The following SNAP29 variants were observed in gnomAD, a reference collection of about 807,000 sequenced individuals.
SNAP29 encodes the protein synaptosomal-associated protein 29.
In SNAP29, 13 loss-of-function variants were observed where a neutral mutation model predicts 27.9. That is an observed-to-expected ratio of 0.47 (90% CI 0.30 to 0.74). The LOEUF (loss-of-function observed/expected upper bound fraction) is 0.74, where lower values mean the gene tolerates loss of function less well. SNAP29 is among the 30% of genes least tolerant of loss of function. The pLI, the probability that SNAP29 is intolerant of heterozygous loss-of-function variation, is 0.06. For missense variants in SNAP29, 368 were observed against 336.5 expected, an observed-to-expected ratio of 1.09 and a Z score of -0.73; for synonymous variants, 119 against 127.1, an observed-to-expected ratio of 0.94 and a Z score of 0.43.
chr22:20,867,786 C>T (rs1928495953), intron 1 of SNAP29, among the ~76,000 whole-genome samples: 1 of 152,162 alleles, frequency 6.6e-6, no homozygotes, highest in South Asian at 2.1e-4. Flanking sequence ...GAGAATGTGT[C>T]TCTTGTGAAT....
Position 20,889,415 on chromosome 22 carries a change from C to G in SNAP29, c.*1579C>G, listed in dbSNP as rs1265831751. On this transcript the variant is annotated 3_prime_UTR_variant, in exon 5 of 5. Transcript: ENST00000215730. ...CTACCCACTTGTTAGATTCCAGCCA[C>G]CTCAGGGATTCTGATCCATGTCATT... The G allele has an allele frequency of 6.6e-6, 1 of 152,234 alleles. No individual in the cohort carries two copies. The highest frequency in any genetic ancestry group is 1.5e-5 in the Non-Finnish European group (1 of 68,038). The allele number at this position is 152,234 out of a possible 1,614,324, so 9.4% of individuals were successfully genotyped here.
At chr22:20,859,458 A>C in intron 1 of SNAP29, 111 bp downstream of exon 1, 2 of 835,976 alleles carry the variant, frequency 2.4e-6, no homozygotes, top group Non-Finnish European at 4.1e-6. Flanking sequence ...CCTAGCATAG[A>C]TTCTTGCACC....
chr22:20,861,913 G>T (rs1234714266), intron 1 of SNAP29, among the ~76,000 whole-genome samples: 1 of 152,202 alleles, frequency 6.6e-6, no homozygotes, highest in African/African-American at 2.4e-5. Context: ...GATTACAGGC[G>T]TGAGCGACCA....
At chr22:20,873,518 T>C (rs1928646500) in intron 2 of SNAP29, among the ~76,000 whole-genome samples, 1 of 152,066 alleles carries the variant, frequency 6.6e-6, no homozygotes, top group Non-Finnish European at 1.5e-5. Flanking sequence ...CTGGTGGTGA[T>C]GGCAGAAAGA....
chr22:20,870,536 G>A lies in SNAP29; in HGVS notation c.434+3G>A. On this transcript the variant is annotated splice_donor_region_variant and intron_variant, in intron 2 of 4. Coordinates refer to ENST00000215730, the MANE Select transcript of SNAP29 (RefSeq NM_004782.4). Reference sequence around the variant, plus strand: ...CTCACCTCCCAGCCCAACAACAGGTGAGTGCATCTTCTACCATCTGGGTAT... The same window carrying A: ...CTCACCTCCCAGCCCAACAACAGGTAAGTGCATCTTCTACCATCTGGGTAT... 6.2e-7 allele frequency: 1 copy of A among 1,613,386 alleles called. No individual in the cohort carries two copies. Among genetic ancestry groups the A allele is most frequent in the Non-Finnish European group, 8.5e-7 (1 of 1,179,560 alleles).
chr22:20,870,917 G>A (rs1928575885), intron 2 of SNAP29: 2 of 318,506 alleles, frequency 6.3e-6, no homozygotes, highest in Non-Finnish European at 1.2e-5. Context: ...TGGGTAGATT[G>A]CTTAAGCCCA....
chr22:20,874,030 C>T (rs113803708), intron 2 of SNAP29, among the ~76,000 whole-genome samples: 200 of 145,016 alleles, frequency 1.4e-3, no homozygotes, highest in African/African-American at 4.8e-3. Flanking sequence ...AATCCCAGCA[C>T]TTTGGGAGGC....
At position 20,859,091 on chromosome 22, in the gene SNAP29, CCG is replaced by C; in HGVS notation, c.-19_-18del. ...GGGGCTCCTCCTTCTGTTTCCCAGA[CCG>C]AGAGCCGCGCCGGCACCATGTCAGC... On this transcript the variant is annotated 5_prime_UTR_variant, in exon 1 of 5. Transcript: ENST00000215730. The C allele has an allele frequency of 1.3e-6, 2 of 1,575,880 alleles. No homozygotes were observed. The highest frequency in any genetic ancestry group is 1.7e-6 in the Non-Finnish European group (2 of 1,151,654).
At position 20,859,289 on chromosome 22, in the gene SNAP29, C is replaced by G. The variant is rs1205679920; in HGVS notation, c.179C>G (p.Thr60Ser). Residue 60 changes from threonine to serine, a missense_variant, in exon 1 of 5, where the codon ACC becomes AGC. Coordinates refer to ENST00000215730, the MANE Select transcript of SNAP29 (RefSeq NM_004782.4). ...LRRAEATAAS[T>S]SRSLALMYES... ...AGGGCTGAGGCCACGGCCGCCAGCACCAGCAGGTCCCTGGCCCTCATGTAC... is the reference window on the plus strand; with the variant it reads ...AGGGCTGAGGCCACGGCCGCCAGCAGCAGCAGGTCCCTGGCCCTCATGTAC... The G allele has an allele frequency of 1.2e-6, 2 of 1,612,014 alleles. No homozygotes were observed. The highest frequency in any genetic ancestry group is 1.7e-6 in the Non-Finnish European group (2 of 1,179,724).
chr22:20,885,126 G>A (rs773971299), intron 4 of SNAP29, among the ~76,000 whole-genome samples: 1 of 152,138 alleles, frequency 6.6e-6, no homozygotes, highest in Non-Finnish European at 1.5e-5. Flanking sequence ...TCAAGTAGGT[G>A]TTGGCCTGTG....
At chr22:20,878,472 G>A (rs1928801830) in intron 2 of SNAP29, among the ~76,000 whole-genome samples, 1 of 152,176 alleles carries the variant, frequency 6.6e-6, no homozygotes, top group Non-Finnish European at 1.5e-5. Flanking sequence ...CAGCTACTTG[G>A]GAGGCTGAGG....
At chr22:20,886,019 C>T (rs902513063) in intron 4 of SNAP29, among the ~76,000 whole-genome samples, 5 of 152,074 alleles carry the variant, frequency 3.3e-5, no homozygotes, top group Admixed American at 2.6e-4. Flanking sequence ...TGAGCTTCCT[C>T]CTGAGGCCTG....
intron 2 of SNAP29, 66 bp downstream of exon 2, chr22:20,870,599 A>G (rs1928568849): frequency 6.9e-7 from 1 of 1,451,088 alleles, no homozygotes; most frequent in Non-Finnish European, 9.6e-7. Flanking sequence ...AATGACCAAG[A>G]CTTTCAGTCC....
Position 20,879,917 on chromosome 22 carries a change from G to C in SNAP29, c.435-1132G>C, listed in dbSNP as rs531313499. Among the ~76,000 whole-genome samples the C allele has an allele frequency of 1.3e-4, 19 of 151,052 alleles. No individual in the cohort carries two copies. The East Asian group carries it at 3.7e-3, about 29-fold the overall frequency. On this transcript the variant is annotated intron_variant, in intron 2 of 4. Transcript: ENST00000215730. ...AGTGCCTGTGGTCTCAGTTACCCAG[G>C]AGGCTGAGGTGGGAGGATCACGAGC...
intron 4 of SNAP29, among the ~76,000 whole-genome samples, chr22:20,886,323 T>C (rs1184532252): frequency 6.6e-6 from 1 of 151,550 alleles, no homozygotes; most frequent in Non-Finnish European, 1.5e-5. Context: ...TTTTTTAATT[T>C]CTTTCTGAGA....
At position 20,859,042 on chromosome 22, in the gene SNAP29, G is replaced by GAGGCC. The variant is rs1942260122; in HGVS notation, c.-68_-64dup. The GAGGCC allele has an allele frequency of 8.4e-6, 12 of 1,429,366 alleles. No homozygotes were observed. In the South Asian group the frequency reaches 1.1e-4, roughly 13 times the overall value. The allele number at this position is 1,429,366 out of a possible 1,614,324, so 88.5% of individuals were successfully genotyped here. On this transcript the variant is annotated 5_prime_UTR_variant, in exon 1 of 5. Transcript: ENST00000215730. ...CGACCGCGGGGTCGGCGGGCGGGGC[G>GAGGCC]AGGCCCTGGACGGCGGCGGCAGTGG... is the stretch of plus-strand genomic sequence containing the variant.
chr22:20,888,155 C>T lies in SNAP29; in HGVS notation c.*319C>T, dbSNP rs1300882675. The T allele has an allele frequency of 5.4e-6, 2 of 371,352 alleles. No individual in the cohort carries two copies. Among genetic ancestry groups the T allele is most frequent in the Non-Finnish European group, 1.0e-5 (2 of 194,926 alleles). The allele number at this position is 371,352 out of a possible 1,614,324, so 23.0% of individuals were successfully genotyped here. On this transcript the variant is annotated 3_prime_UTR_variant, in exon 5 of 5. Transcript: ENST00000215730. ...GAGTTGCATTTCTCATTTTAATGAG[C>T]ATATGGAAAGATGGGAACAGAATTT...
intron 3 of SNAP29, among the ~76,000 whole-genome samples, chr22:20,883,036 A>G (rs979271755): frequency 6.6e-6 from 1 of 151,320 alleles, no homozygotes; most frequent in East Asian, 1.9e-4. Context: ...AAGTGCAAAG[A>G]TAGTGTAGAA....
At chr22:20,862,625 GT>G (rs1345810063) in intron 1 of SNAP29, among the ~76,000 whole-genome samples, 1 of 152,164 alleles carries the variant, frequency 6.6e-6, no homozygotes, top group Non-Finnish European at 1.5e-5. Context: ...GCCCCCAAAG[GT>G]CTTTCTATGC....
Sources: allele counts gnomAD v4.1 joint callset (sites outside exome capture counted in the v4.1 genomes callset), GRCh38; gene constraint gnomAD v4.1.1; transcripts MANE v1.5; gene names NCBI Gene and HGNC (gene_info 2026-07-23, HGNC 2026-07-21).